Variants in NEGR1 observed in about 807,000 individuals in gnomAD.
NEGR1 encodes the protein neuronal growth regulator 1.
In NEGR1, 10 loss-of-function variants were observed where a neutral mutation model predicts 40.9. That is an observed-to-expected ratio of 0.24 (90% CI 0.15 to 0.42). The LOEUF (loss-of-function observed/expected upper bound fraction) is 0.42, where lower values mean the gene tolerates loss of function less well. Among genes scored for constraint, NEGR1 ranks in the 10% least tolerant of loss-of-function variants. NEGR1 has a pLI of 1.00. For synonymous variants in NEGR1, 185 were observed against 166.8 expected (o/e 1.11, Z -0.84); for missense variants, 352 against 438.9 (o/e 0.80, Z 1.77).
intron 5 of NEGR1, among the ~76,000 whole-genome samples, chr1:71,597,432 GTCTCTCTCTCTCTC>G (rs1158039041): frequency 1.6e-5 from 1 of 60,748 alleles, no homozygotes; most frequent in African/African-American, 6.6e-5. Flanking sequence ...ATATATATAT[GTCTCTCTCTCTCTC>G]TCTCTCTCTC....
rs1232934572 is a variant in NEGR1 at position 71,406,000 on chromosome 1, G to C, written c.*1446C>G. The C allele has an allele frequency of 1.3e-5, 2 of 152,136 alleles. No homozygotes were observed. The highest frequency in any genetic ancestry group is 2.4e-5 in the African/African-American group (1 of 41,352). 9.4% of individuals were successfully genotyped at this position (152,136 alleles called of 1,614,324 possible). On this transcript the variant is annotated 3_prime_UTR_variant, in exon 7 of 7. Coordinates refer to ENST00000357731, the MANE Select transcript of NEGR1 (RefSeq NM_173808.3). ...AATGTAGTTTTGCTTCTTTATAGTAGAAATAATTTAACATTCACAATAATT... is the reference window on the plus strand; with the variant it reads ...AATGTAGTTTTGCTTCTTTATAGTACAAATAATTTAACATTCACAATAATT...
chr1:71,950,105 T>A (rs1646056082), intron 1 of NEGR1, among the ~76,000 whole-genome samples: 1 of 152,078 alleles, frequency 6.6e-6, no homozygotes, highest in Non-Finnish European at 1.5e-5. Context: ...TTCTTATGAA[T>A]TCAAAGATGG....
intron 1 of NEGR1, among the ~76,000 whole-genome samples, chr1:72,038,482 C>T (rs979269140): frequency 6.6e-6 from 1 of 151,976 alleles, no homozygotes; most frequent in African/African-American, 2.4e-5. Context: ...AGCTGAGATA[C>T]TTACTGTGTT....
chr1:71,860,470 T>C (rs1659912912), intron 2 of NEGR1, among the ~76,000 whole-genome samples: 1 of 152,040 alleles, frequency 6.6e-6, no homozygotes, highest in Admixed American at 6.6e-5. Context: ...CTTTATGTTT[T>C]GGGAAATTAT....
chr1:71,446,350 A>T (rs1027912026), intron 6 of NEGR1, among the ~76,000 whole-genome samples: 44 of 152,174 alleles, frequency 2.9e-4, no homozygotes, highest in African/African-American at 1.0e-3. Context: ...TTGTTTTAGA[A>T]GAGAGAAAAA....
In NEGR1 at chr1:71,842,834, G is replaced by A. The variant is rs374813693; in HGVS notation, c.410-66537C>T. On this transcript the variant is annotated intron_variant, in intron 2 of 6. Coordinates refer to ENST00000357731, the MANE Select transcript of NEGR1 (RefSeq NM_173808.3). ...ATCTTAACTTAGCAAGCTCTGTTAT[G>A]GAGTCTATAAACATCTTTTGCAACC... 7.2e-4 allele frequency among the ~76,000 whole-genome samples: 110 copies of A among 152,162 alleles called. 2 individuals carry two copies. Among genetic ancestry groups the A allele is most frequent in the South Asian group, 7.1e-3 (34 of 4,820 alleles).
chr1:71,917,058 T>C (rs146011849), intron 2 of NEGR1, among the ~76,000 whole-genome samples: 1 of 152,314 alleles, frequency 6.6e-6, no homozygotes, highest in African/African-American at 2.4e-5. Context: ...TCCATCTGTG[T>C]CAATGCTCAT....
intron 6 of NEGR1, among the ~76,000 whole-genome samples, chr1:71,425,805 G>A (rs562543984): frequency 2.0e-5 from 3 of 152,258 alleles, no homozygotes; most frequent in South Asian, 2.1e-4. Context: ...TTGGACAAAC[G>A]TAATTTAGAG....
intron 6 of NEGR1, among the ~76,000 whole-genome samples, chr1:71,524,816 A>G (rs957937008): frequency 6.6e-6 from 1 of 151,798 alleles, no homozygotes; most frequent in African/African-American, 2.4e-5. Context: ...GGGAGACTGA[A>G]GAGTCAGTGT....
At chr1:71,632,878 A>G (rs1358770783) in intron 4 of NEGR1, among the ~76,000 whole-genome samples, 1 of 151,998 alleles carries the variant, frequency 6.6e-6, no homozygotes, top group Non-Finnish European at 1.5e-5. Flanking sequence ...TTTTTCTTTC[A>G]TAGGCTGTGT....
At chr1:71,930,772 G>C (rs1372889461) in intron 2 of NEGR1, among the ~76,000 whole-genome samples, 3 of 152,154 alleles carry the variant, frequency 2.0e-5, no homozygotes, top group African/African-American at 4.8e-5. Context: ...TCAGCCGCTG[G>C]GGACGGAAGA....
intron 4 of NEGR1, among the ~76,000 whole-genome samples, chr1:71,639,833 A>G (rs1651287962): frequency 6.6e-6 from 1 of 151,994 alleles, no homozygotes; most frequent in African/African-American, 2.4e-5. Flanking sequence ...AGAGGGGTGG[A>G]GGAAGGGAAT....
chr1:71,752,097 G>A (rs575360402), intron 3 of NEGR1, among the ~76,000 whole-genome samples: 13 of 152,228 alleles, frequency 8.5e-5, no homozygotes, highest in African/African-American at 2.4e-4. Context: ...ACGAAATAAA[G>A]TATTGCCCTT....
At chr1:71,936,914 T>C (rs1645911198) in intron 1 of NEGR1, among the ~76,000 whole-genome samples, 1 of 152,188 alleles carries the variant, frequency 6.6e-6, no homozygotes, top group South Asian at 2.1e-4. Flanking sequence ...AATGTTCTGT[T>C]ACAAATTAAA....
chr1:71,767,294 G>T (rs1203055247), intron 3 of NEGR1, among the ~76,000 whole-genome samples: 1 of 152,092 alleles, frequency 6.6e-6, no homozygotes, highest in Non-Finnish European at 1.5e-5. Flanking sequence ...AGGCTGATGG[G>T]GTCTCAGATA....
At chr1:72,264,322 C>G (rs917183203) in intron 1 of NEGR1, among the ~76,000 whole-genome samples, 1 of 151,130 alleles carries the variant, frequency 6.6e-6, no homozygotes, top group Non-Finnish European at 1.5e-5. Flanking sequence ...CCTCATAAGG[C>G]TGTTGTGATA....
At chr1:72,003,010 A>G (rs1272532552) in intron 1 of NEGR1, among the ~76,000 whole-genome samples, 1 of 152,204 alleles carries the variant, frequency 6.6e-6, no homozygotes, top group African/African-American at 2.4e-5. Flanking sequence ...CATAGCACTT[A>G]AAACTAGGAG....
rs555012074 is a variant in NEGR1 at position 71,499,700 on chromosome 1, C to T, written c.941-92130G>A. ...ACACAGCCACATGATCCTTCTTAAC[C>T]TTTGCAGTAGATGTTCACTACCAAT... On this transcript the variant is annotated intron_variant, in intron 6 of 6. Coordinates refer to ENST00000357731, the MANE Select transcript of NEGR1 (RefSeq NM_173808.3). Among the ~76,000 whole-genome samples the T allele has an allele frequency of 6.6e-5, 10 of 151,910 alleles. No homozygotes were observed. In the East Asian group the frequency reaches 1.7e-3, roughly 27 times the overall value.
chr1:71,848,207 T>C (rs1372903653), intron 2 of NEGR1, among the ~76,000 whole-genome samples: 1 of 152,122 alleles, frequency 6.6e-6, no homozygotes, highest in Non-Finnish European at 1.5e-5. Context: ...TAACATAAAA[T>C]TGCAAGGTGC....
Sources: gnomAD v4.1 joint callset for allele counts (sites outside exome capture counted in the v4.1 genomes callset) on GRCh38, gnomAD v4.1.1 for gene constraint, MANE v1.5 for transcripts, NCBI Gene and HGNC (gene_info 2026-07-23, HGNC 2026-07-21) for gene names.